Variants in CDH22 observed in about 807,000 individuals in gnomAD.
The protein encoded by CDH22 is cadherin-22.
Under a neutral mutation model 58.4 loss-of-function variants are expected in CDH22, and 30 were observed. The ratio of observed to expected loss-of-function variants is 0.51; its 90% CI spans 0.38 to 0.70. CDH22 has a LOEUF of 0.70. CDH22 is among the 30% of genes least tolerant of loss of function. The pLI is 0.00. For synonymous variants in CDH22, 513 were observed against 558.2 expected, an observed-to-expected ratio of 0.92 and a Z score of 1.14; for missense variants, 1,014 against 1,233.9, an observed-to-expected ratio of 0.82 and a Z score of 2.67.
intron 1 of CDH22, among the ~76,000 whole-genome samples, chr20:46,299,061 C>T (rs535406518): frequency 2.6e-5 from 4 of 152,322 alleles, no homozygotes; most frequent in Non-Finnish European, 4.4e-5. Flanking sequence ...CAGCTTAATT[C>T]CAGCCAGCAA....
chr20:46,291,041 G>A (rs896474553), intron 1 of CDH22, among the ~76,000 whole-genome samples: 1 of 152,298 alleles, frequency 6.6e-6, no homozygotes, highest in East Asian at 1.9e-4. Flanking sequence ...ACTGTGGGAA[G>A]AGAGGCAGGT....
intron 1 of CDH22, among the ~76,000 whole-genome samples, chr20:46,297,106 G>A (rs1416909913): frequency 6.6e-6 from 1 of 152,178 alleles, no homozygotes; most frequent in African/African-American, 2.4e-5. Context: ...CCCACTGCTG[G>A]CTGATTGTGC....
chr20:46,190,649 CA>C (rs896146721), intron 8 of CDH22, among the ~76,000 whole-genome samples: 4 of 152,228 alleles, frequency 2.6e-5, no homozygotes, highest in African/African-American at 9.7e-5. Context: ...AAATTACATT[CA>C]ATATTTTTAA....
At chr20:46,181,752 C>CTTCCTTCCTTCCTTCCTTCCTTCCTTCT in intron 10 of CDH22, among the ~76,000 whole-genome samples, 20 of 26,250 alleles carry the variant, frequency 7.6e-4, no homozygotes, top group East Asian at 2.0e-3. Flanking sequence ...TCCTTCCTTC[C>CTTCCTTCCTTCCTTCCTTCCTTCCTTCT]TTCTTTCTTT....
At position 46,213,060 on chromosome 20, in the gene CDH22, C is replaced by T. The variant is rs369990920; in HGVS notation, c.967G>A (p.Gly323Ser). The change falls in exon 6 of 12, where the codon GGC becomes AGC. Residue 323 changes from glycine to serine, a missense_variant. Transcript: ENST00000537909. ...TYHLKDESSS[G>S]GDVFKVTTDS... ...GTGGTGACCTTGAACACATCGCCGC[C>T]GCTGCTGCTCTCGTCCTTAAGGTGG... The T allele has an allele frequency of 2.0e-5, 33 of 1,614,076 alleles. No homozygotes were observed. Among genetic ancestry groups the T allele is most frequent in the Admixed American group, 2.0e-4 (12 of 60,006 alleles).
In CDH22 at chr20:46,251,922, C is replaced by T. The variant is rs1449835871; in HGVS notation, c.-399-229G>A. ...GCCTCTCCTTTCACCTGGCATCATA[C>T]GCCCTGTACTCCCAATCTCCTACGC... On this transcript the variant is annotated intron_variant, in intron 1 of 11. Transcript: ENST00000537909. The surrounding 1 kb of genome is among the most constrained non-coding windows in gnomAD (Gnocchi z 6.7). Among the ~76,000 whole-genome samples, 2 of 151,994 alleles carry T rather than the reference C, an allele frequency of 1.3e-5. No homozygotes were observed. Among genetic ancestry groups the T allele is most frequent in the Non-Finnish European group, 2.9e-5 (2 of 67,978 alleles).
At chr20:46,268,079 C>G (rs2086470036) in intron 1 of CDH22, among the ~76,000 whole-genome samples, 1 of 152,266 alleles carries the variant, frequency 6.6e-6, no homozygotes, top group Non-Finnish European at 1.5e-5. Flanking sequence ...TTTCTGTCCC[C>G]TCACCCGCCT....
intron 1 of CDH22, among the ~76,000 whole-genome samples, chr20:46,279,603 T>C (rs1012435996): frequency 1.3e-5 from 2 of 152,166 alleles, no homozygotes; most frequent in East Asian, 1.9e-4. Context: ...TGTGGGTACA[T>C]ATAATGTATG....
rs1308751624 is a variant in CDH22, at chr20:46,251,493, AG to A, written c.-200del. The A allele has an allele frequency of 4.1e-6, 2 of 487,566 alleles. No individual in the cohort carries two copies. The highest frequency in any genetic ancestry group is 8.2e-5 in the East Asian group (2 of 24,428). 30.2% of individuals were successfully genotyped at this position (487,566 alleles called of 1,614,324 possible). A position where few individuals can be genotyped will look rare whatever the true frequency, so the allele number is the denominator to read the frequency against. Reference sequence around the variant, plus strand: ...CGCGGGGGTACCCGGCTGGAGGGGGAGGGGGCGCGGCCGCATCCGGGGCATG... The same window carrying A: ...CGCGGGGGTACCCGGCTGGAGGGGGAGGGGCGCGGCCGCATCCGGGGCATG... On this transcript the variant is annotated 5_prime_UTR_variant, in exon 2 of 12. It removes the in-frame stop codon of an upstream open reading frame in the 5' UTR. Coordinates refer to ENST00000537909, the MANE Select transcript of CDH22 (RefSeq NM_021248.3). The surrounding 1 kb of genome is among the most constrained non-coding windows in gnomAD (Gnocchi z 6.7).
intron 7 of CDH22, among the ~76,000 whole-genome samples, chr20:46,208,451 C>T (rs955299992): frequency 3.9e-5 from 6 of 152,174 alleles, no homozygotes; most frequent in African/African-American, 1.4e-4. Context: ...ATTGCCAGGT[C>T]AGTCCCTCCT....
intron 1 of CDH22, among the ~76,000 whole-genome samples, chr20:46,263,406 C>CTGTGTGTGTGTGTGTG (rs3081942): frequency 2.7e-5 from 4 of 150,378 alleles, no homozygotes; most frequent in Non-Finnish European, 4.4e-5. Context: ...GCCTTCCATT[C>CTGTGTGTGTGTGTGTG]TGTGTGTGTG....
intron 4 of CDH22, chr20:46,219,805 A>G (rs1453685832): frequency 6.6e-6 from 1 of 152,238 alleles, no homozygotes; most frequent in Non-Finnish European, 1.5e-5. Flanking sequence ...TACCTGTTTT[A>G]TAGATGAGGA....
intron 11 of CDH22, among the ~76,000 whole-genome samples, chr20:46,176,790 C>T (rs2085742861): frequency 1.3e-5 from 2 of 152,190 alleles, no homozygotes; most frequent in African/African-American, 2.4e-5. Context: ...CTTCTGGAGC[C>T]GAGGCTGGGA....
chr20:46,263,425 T>TGTGTGC (rs1246374882), intron 1 of CDH22, among the ~76,000 whole-genome samples: 1 of 148,388 alleles, frequency 6.7e-6, no homozygotes, highest in East Asian at 2.0e-4. Flanking sequence ...TGTGTGTGTG[T>TGTGTGC]GTGCGTGTGT....
intron 4 of CDH22, chr20:46,220,863 C>G (rs1352517154): frequency 1.3e-5 from 2 of 152,536 alleles, no homozygotes; most frequent in Non-Finnish European, 1.5e-5. Flanking sequence ...ATCCAGGGAA[C>G]AGGGTAGGTT....
intron 10 of CDH22, among the ~76,000 whole-genome samples, chr20:46,179,713 A>G (rs916983312): frequency 1.3e-5 from 2 of 152,206 alleles, no homozygotes; most frequent in African/African-American, 4.8e-5. Flanking sequence ...CCCATCTGTA[A>G]ACTCAGAAAG....
chr20:46,273,690 G>A (rs975379100), intron 1 of CDH22, among the ~76,000 whole-genome samples: 3 of 152,166 alleles, frequency 2.0e-5, no homozygotes, highest in Non-Finnish European at 4.4e-5. Context: ...AATGGGGAGC[G>A]ACAATGGCAG....
intron 4 of CDH22, among the ~76,000 whole-genome samples, chr20:46,221,623 G>C (rs1473522810): frequency 2.6e-5 from 4 of 152,224 alleles, no homozygotes; most frequent in African/African-American, 9.7e-5. Flanking sequence ...GGCCAAAGTA[G>C]TCCCAGGCGA....
At position 46,227,509 on chromosome 20, in the gene CDH22, G is replaced by A; in HGVS notation, c.669C>T (p.Thr223=). The A allele has an allele frequency of 2.4e-6, 3 of 1,250,066 alleles. No homozygotes were observed. Among genetic ancestry groups the A allele is most frequent in the South Asian group, 2.4e-5 (2 of 82,082 alleles). The allele number at this position is 1,250,066 out of a possible 1,614,324, so 77.4% of individuals were successfully genotyped here. ...GEHHFTVDPK[T]GVIRTAVPDL... ...CTCTGGCCCCGCCCTGCCCCTCACCGGTCTTGGGGTCCACGGTGAAGTGGT... is the reference window on the plus strand; with the variant it reads ...CTCTGGCCCCGCCCTGCCCCTCACCAGTCTTGGGGTCCACGGTGAAGTGGT... The change falls in exon 4 of 12, where the codon ACC becomes ACT. Residue 223 remains threonine (T), a splice_region_variant and synonymous_variant. Transcript: ENST00000537909.
Sources: allele counts gnomAD v4.1 joint callset (sites outside exome capture counted in the v4.1 genomes callset), GRCh38; gene constraint gnomAD v4.1.1; non-coding constraint Gnocchi (gnomAD v3.1); transcripts MANE v1.5; gene names NCBI Gene and HGNC (gene_info 2026-07-23, HGNC 2026-07-21).